PLCXD3: variants seen among roughly 807,000 people sequenced by gnomAD.
The protein encoded by PLCXD3 is phosphatidylinositol specific phospholipase C X domain containing 3.
PLCXD3 carries 19 observed loss-of-function variants against 25.5 expected under a neutral mutation model. The ratio of observed to expected loss-of-function variants is 0.75; its 90% CI spans 0.52 to 1.09. The LOEUF is 1.09. Ranked by LOEUF, PLCXD3 falls within the 50% of genes least tolerant of loss-of-function variation. The pLI, the probability that PLCXD3 is intolerant of heterozygous loss-of-function variation, is 0.00. For missense variants in PLCXD3, 411 were observed against 388.1 expected, an observed-to-expected ratio of 1.06 and a Z score of -0.50; for synonymous variants, 174 against 137.6, an observed-to-expected ratio of 1.26 and a Z score of -1.85.
chr5:41,387,205 C>T (rs1196767187), intron 1 of PLCXD3, among the ~76,000 whole-genome samples: 2 of 152,050 alleles, frequency 1.3e-5, no homozygotes, highest in Non-Finnish European at 2.9e-5. Context: ...GTCTGAGCTC[C>T]TACAACTCAA....
chr5:41,332,368 G>C (rs1260224792), intron 2 of PLCXD3, among the ~76,000 whole-genome samples: 1 of 152,070 alleles, frequency 6.6e-6, no homozygotes, highest in Non-Finnish European at 1.5e-5. Flanking sequence ...GGCCATCAGA[G>C]AAATGCAAAT....
rs564134344 is a variant in PLCXD3 at position 41,469,071 on chromosome 5, A to T, written c.103+41353T>A. Among the ~76,000 whole-genome samples the T allele has an allele frequency of 2.0e-5, 3 of 152,232 alleles. No homozygotes were observed. The South Asian group carries it at 6.2e-4, about 32-fold the overall frequency. On this transcript the variant is annotated intron_variant, in intron 1 of 2. Coordinates refer to ENST00000377801, the MANE Select transcript of PLCXD3 (RefSeq NM_001005473.3). ...TTCCCTTTATAGCTAATCTGCTGAGAGGTTTTATCATGAATAGTTGTTAAA... is the reference window on the plus strand; with the variant it reads ...TTCCCTTTATAGCTAATCTGCTGAGTGGTTTTATCATGAATAGTTGTTAAA...
intron 1 of PLCXD3, among the ~76,000 whole-genome samples, chr5:41,414,690 G>T (rs766143046): frequency 2.6e-5 from 4 of 152,164 alleles, no homozygotes; most frequent in Non-Finnish European, 4.4e-5. Flanking sequence ...AATGTTAAAT[G>T]GAAAATTCCA....
intron 2 of PLCXD3, among the ~76,000 whole-genome samples, chr5:41,344,745 C>G (rs1744253311): frequency 6.6e-6 from 1 of 151,758 alleles, no homozygotes; most frequent in Non-Finnish European, 1.5e-5. Context: ...AAAAAATATC[C>G]TAATTCAGAG....
chr5:41,361,878 A>G (rs1182830817), intron 2 of PLCXD3, among the ~76,000 whole-genome samples: 1 of 152,240 alleles, frequency 6.6e-6, no homozygotes, highest in Non-Finnish European at 1.5e-5. Flanking sequence ...AAACTCTTGA[A>G]TCATCAAAGC....
chr5:41,377,560 G>C (rs749014864), intron 2 of PLCXD3, among the ~76,000 whole-genome samples: 1 of 151,894 alleles, frequency 6.6e-6, no homozygotes. Context: ...ATGGGGGTGA[G>C]GTGCAAAAAC....
At chr5:41,451,599 G>A (rs1747632718) in intron 1 of PLCXD3, among the ~76,000 whole-genome samples, 1 of 151,678 alleles carries the variant, frequency 6.6e-6, no homozygotes, top group African/African-American at 2.4e-5. Flanking sequence ...AAGAGAAATA[G>A]AGTGATTATT....
intron 1 of PLCXD3, among the ~76,000 whole-genome samples, chr5:41,480,168 T>C (rs1304934704): frequency 6.6e-6 from 1 of 152,150 alleles, no homozygotes; most frequent in African/African-American, 2.4e-5. Flanking sequence ...TGCCCAAATA[T>C]TAGCCAAGAA....
chr5:41,437,008 G>A (rs985569115), intron 1 of PLCXD3, among the ~76,000 whole-genome samples: 1 of 152,212 alleles, frequency 6.6e-6, no homozygotes, highest in Non-Finnish European at 1.5e-5. Flanking sequence ...AGAATCTCAT[G>A]GGGTTAGAGA....
intron 1 of PLCXD3, among the ~76,000 whole-genome samples, chr5:41,383,262 C>A (rs1214876062): frequency 3.3e-5 from 5 of 152,050 alleles, no homozygotes; most frequent in Admixed American, 2.0e-4. Context: ...CTAATAGACT[C>A]TTTTCTTCAC....
intron 1 of PLCXD3, among the ~76,000 whole-genome samples, chr5:41,481,726 G>A (rs1010256824): frequency 6.6e-6 from 1 of 152,234 alleles, no homozygotes; most frequent in African/African-American, 2.4e-5. Flanking sequence ...GCTGTGTCTG[G>A]AGCAAGGTCA....
At chr5:41,391,910 TG>T in intron 1 of PLCXD3, among the ~76,000 whole-genome samples, 1 of 152,228 alleles carries the variant, frequency 6.6e-6, no homozygotes, top group Non-Finnish European at 1.5e-5. Flanking sequence ...AGCAATAGTG[TG>T]GCAGTACTCC....
intron 1 of PLCXD3, among the ~76,000 whole-genome samples, chr5:41,465,091 A>G (rs1747982208): frequency 6.6e-6 from 1 of 151,954 alleles, no homozygotes; most frequent in South Asian, 2.1e-4. Flanking sequence ...AAAAGCATTT[A>G]TTGTAAAATT....
intron 1 of PLCXD3, among the ~76,000 whole-genome samples, chr5:41,450,061 T>C (rs538016805): frequency 7.6e-4 from 115 of 152,126 alleles, no homozygotes; most frequent in African/African-American, 2.7e-3. Context: ...GGAAACAAAC[T>C]GAAAGAAAAA....
intron 1 of PLCXD3, among the ~76,000 whole-genome samples, chr5:41,410,121 G>GC (rs1365641198): frequency 6.7e-6 from 1 of 148,548 alleles, no homozygotes; most frequent in African/African-American, 2.5e-5. Flanking sequence ...GTCTTCTAAA[G>GC]CCCCCCTCCT....
intron 1 of PLCXD3, among the ~76,000 whole-genome samples, chr5:41,452,029 C>CCTTACTGAAAT (rs748990214): frequency 1.3e-5 from 2 of 151,976 alleles, no homozygotes; most frequent in Non-Finnish European, 1.5e-5. Flanking sequence ...GGATTGCTTT[C>CCTTACTGAAAT]CTTACTGAAA....
At chr5:41,376,609 T>C (rs1580334855) in intron 2 of PLCXD3, among the ~76,000 whole-genome samples, 1 of 152,266 alleles carries the variant, frequency 6.6e-6, no homozygotes, top group African/African-American at 2.4e-5. Context: ...TTCCTCATCC[T>C]GAGAAGCTAC....
intron 1 of PLCXD3, among the ~76,000 whole-genome samples, chr5:41,403,415 T>TTTTGTTTTTGTTTTTG (rs1452997209): frequency 2.7e-5 from 1 of 36,826 alleles, no homozygotes; most frequent in Non-Finnish European, 7.1e-5. Flanking sequence ...TTTTTTTTTT[T>TTTTGTTTTTGTTTTTG]TATTATACTC....
In PLCXD3 at chr5:41,473,472, T is replaced by A. The variant is rs183152134; in HGVS notation, c.103+36952A>T. ...AATTAATTAATTAATTAATAATAATTATTATTATTTTTTGAGACGAGTCTT... is the reference window on the plus strand; with the variant it reads ...AATTAATTAATTAATTAATAATAATAATTATTATTTTTTGAGACGAGTCTT... On this transcript the variant is annotated intron_variant, in intron 1 of 2. Coordinates refer to ENST00000377801, the MANE Select transcript of PLCXD3 (RefSeq NM_001005473.3). Among the ~76,000 whole-genome samples the A allele has an allele frequency of 2.7e-3, 379 of 140,974 alleles. 1 individual carries two copies. Among genetic ancestry groups the A allele is most frequent in the East Asian group, 7.8e-3 (37 of 4,732 alleles). 92.5% of individuals were successfully genotyped at this position (140,974 alleles called of 152,430 possible).
Sources: allele counts gnomAD v4.1 joint callset (sites outside exome capture counted in the v4.1 genomes callset), GRCh38; gene constraint gnomAD v4.1.1; transcripts MANE v1.5; gene names NCBI Gene and HGNC (gene_info 2026-07-23, HGNC 2026-07-21).